MCCC1: variants seen among roughly 807,000 people sequenced by gnomAD.
MCCC1 encodes the protein methylcrotonyl-CoA carboxylase subunit 1.
A neutral mutation model predicts 83.8 loss-of-function variants in MCCC1; 64 were observed. The observed-to-expected ratio is 0.76, with a 90% CI of 0.62 to 0.94. The LOEUF (loss-of-function observed/expected upper bound fraction) is 0.94. Ranked by LOEUF, MCCC1 falls within the 40% of genes least tolerant of loss-of-function variation. The probability of loss-of-function intolerance (pLI) is 0.00; values close to 1 mark genes in which losing one functional copy is unlikely to be tolerated. For missense variants in MCCC1, 807 were observed against 904.7 expected, an observed-to-expected ratio of 0.89 and a Z score of 1.39; for synonymous variants, 322 against 315.4, an observed-to-expected ratio of 1.02 and a Z score of -0.22.
In MCCC1 at chr3:183,090,424, A is replaced by G. The variant is rs189699476; in HGVS notation, c.273+1985T>C. Among the ~76,000 whole-genome samples the G allele has an allele frequency of 1.2e-4, 19 of 152,278 alleles. No homozygotes were observed. In the East Asian group the frequency reaches 3.7e-3, roughly 29 times the overall value. On this transcript the variant is annotated intron_variant, in intron 3 of 18. Transcript: ENST00000265594. ...TATGTTTTATTAATACTGTTAACTG[A>G]CAAATCATAATTGTATGCATTTATG... is the stretch of plus-strand genomic sequence containing the variant.
At chr3:183,075,239 A>T (rs1274617339) in intron 4 of MCCC1, among the ~76,000 whole-genome samples, 1 of 152,130 alleles carries the variant, frequency 6.6e-6, no homozygotes, top group Non-Finnish European at 1.5e-5. Flanking sequence ...CAGTAATGGG[A>T]TTGCTGGGTT....
chr3:183,017,017 C>T (rs1711694301), intron 18 of MCCC1: 2 of 530,182 alleles, frequency 3.8e-6, no homozygotes, highest in Non-Finnish European at 6.8e-6. Context: ...GTTGGATTAT[C>T]GCCTGATTCC....
chr3:183,057,195 T>C, intron 8 of MCCC1, 116 bp downstream of exon 8: 1 of 834,800 alleles, frequency 1.2e-6, no homozygotes, highest in Non-Finnish European at 2.0e-6. Flanking sequence ...TAGGCAACAG[T>C]TGTCCAGCAG....
chr3:183,067,324 TG>T (rs1327606258), intron 7 of MCCC1, among the ~76,000 whole-genome samples: 1 of 152,226 alleles, frequency 6.6e-6, no homozygotes, highest in Non-Finnish European at 1.5e-5. Flanking sequence ...AACCCATGGC[TG>T]GGCTGGGCTT....
intron 4 of MCCC1, among the ~76,000 whole-genome samples, chr3:183,073,329 G>A (rs895988542): frequency 6.6e-6 from 1 of 152,144 alleles, no homozygotes; most frequent in Admixed American, 6.5e-5. Context: ...CTGTCTCTGT[G>A]TAAAACTGGC....
chr3:183,072,306 G>C (rs1716754377), intron 5 of MCCC1, 60 bp downstream of exon 5: 1 of 1,596,186 alleles, frequency 6.3e-7, no homozygotes, highest in South Asian at 1.1e-5. Flanking sequence ...CCACATGCCT[G>C]GCCCAAACTA....
At chr3:183,022,988 A>C (rs1257426131) in intron 15 of MCCC1, among the ~76,000 whole-genome samples, 1 of 152,230 alleles carries the variant, frequency 6.6e-6, no homozygotes, top group Non-Finnish European at 1.5e-5. Context: ...CACCAAAAAA[A>C]TGCCAGAATC....
rs541850543 is a variant in MCCC1, at chr3:183,107,555, G to T, written c.-102+7919C>A. Among the ~76,000 whole-genome samples the T allele has an allele frequency of 2.8e-4, 43 of 151,674 alleles. 1 individual carries two copies. Among genetic ancestry groups the T allele is most frequent in the Middle Eastern group, 3.4e-3 (1 of 294 alleles). ...ATTATTTGTTGTTGTTGTTGTTGTT[G>T]TTGTTGAAATGAAGTCTCACTCTGT... On this transcript the variant is annotated intron_variant, in intron 1 of 17. Coordinates refer to the MCCC1 transcript ENST00000492597.
chr3:183,061,612 G>C (rs2108511361), intron 7 of MCCC1, among the ~76,000 whole-genome samples: 1 of 152,356 alleles, frequency 6.6e-6, no homozygotes, highest in South Asian at 2.1e-4. Flanking sequence ...CCATGCAAGT[G>C]TTAGGGCTCC....
chr3:183,034,884 T>C lies in MCCC1; in HGVS notation c.1595-807A>G, dbSNP rs531693419. Among the ~76,000 whole-genome samples the C allele has an allele frequency of 7.3e-3, 1,117 of 152,136 alleles. 11 individuals are homozygous for C. The highest frequency in any genetic ancestry group is 0.026 in the African/African-American group (1,072 of 41,494). On this transcript the variant is annotated intron_variant, in intron 13 of 18. Coordinates refer to ENST00000265594, the MANE Select transcript of MCCC1 (RefSeq NM_020166.5). ...CCTCCACCTCCTGGGTTCAAGTGAT[T>C]CTCCTGCCTCAGCCTCCAGAGTAGC...
chr3:183,046,532 G>A (rs1714571042), intron 9 of MCCC1, among the ~76,000 whole-genome samples: 1 of 151,886 alleles, frequency 6.6e-6, no homozygotes, highest in Admixed American at 6.6e-5. Context: ...TGAGTAGATG[G>A]GACCACAGGC....
intron 8 of MCCC1, among the ~76,000 whole-genome samples, chr3:183,056,745 G>A (rs1274482752): frequency 6.6e-6 from 1 of 152,164 alleles, no homozygotes; most frequent in Non-Finnish European, 1.5e-5. Context: ...CCAGGCTGGA[G>A]TGCAATGGCG....
At chr3:183,015,718 GTTGTTT>G in intron 18 of MCCC1, 152 bp from the exon 19 acceptor site, 1 of 948,490 alleles carries the variant, frequency 1.1e-6, no homozygotes, top group Admixed American at 1.9e-5. Flanking sequence ...TGTTGTTGTT[GTTGTTT>G]TTATTTTTAA....
rs201168029 is a variant in MCCC1 at position 183,037,317 on chromosome 3, T to G, written c.1495A>C (p.Ser499Arg). 7 of 1,614,180 alleles carry G rather than the reference T, an allele frequency of 4.3e-6. No individual in the cohort carries two copies. The East Asian group carries it at 1.3e-4, about 31-fold the overall frequency. The change falls in exon 13 of 19, where the codon AGT becomes CGT. Residue 499 changes from serine to arginine, a missense_variant. Physicochemically the swap from Ser to Arg is moderately radical, Grantham distance 110. Transcript: ENST00000265594. Reference protein sequence around the residue: ...IPQHHKQLLLSRKAAAKESLC... With the variant: ...IPQHHKQLLLRRKAAAKESLC... ...GACTCTTTGGCTGCAGCCTTCCGACTGAGCAACAACTGTTTGTGGTGTTGA... is the reference window on the plus strand; with the variant it reads ...GACTCTTTGGCTGCAGCCTTCCGACGGAGCAACAACTGTTTGTGGTGTTGA...
rs374862589 is a variant in MCCC1 at position 183,037,358 on chromosome 3, T to G, written c.1454A>C (p.His485Pro). Residue 485 changes from histidine to proline, a missense_variant, in exon 13 of 19, where the codon CAC becomes CCC. Physicochemically the swap from His to Pro is moderately conservative, Grantham distance 77 (BLOSUM62 -2). Coordinates refer to ENST00000265594, the MANE Select transcript of MCCC1 (RefSeq NM_020166.5). ...GTGGTGTTGAGGGATGAAATCAGTG[T>G]GCACGTTCCCAGCTTCAAACTCTGG... ...GHPEFEAGNV[H>P]TDFIPQHHKQ... The G allele has an allele frequency of 2.5e-6, 4 of 1,614,048 alleles. No homozygotes were observed.
rs66507233 is a variant in MCCC1, at chr3:183,031,491, C to CTTTT, written c.1681+2496_1681+2499dup. On this transcript the variant is annotated intron_variant, in intron 14 of 18. Coordinates refer to ENST00000265594, the MANE Select transcript of MCCC1 (RefSeq NM_020166.5). ...TTGGACTCATAAATGCTTCTGGCAC[C>CTTTT]TTTTTTTTTTTTTTTTTTTTTTTTG... Among the ~76,000 whole-genome samples the CTTTT allele has an allele frequency of 2.9e-3, 211 of 72,616 alleles. 4 individuals carry two copies. Among genetic ancestry groups the CTTTT allele is most frequent in the East Asian group, 7.9e-3 (16 of 2,020 alleles). 47.6% of individuals were successfully genotyped at this position (72,616 alleles called of 152,430 possible).
At chr3:183,020,349 T>A in intron 16 of MCCC1, 112 bp from the exon 17 acceptor site, 2 of 914,128 alleles carry the variant, frequency 2.2e-6, no homozygotes, top group Non-Finnish European at 3.5e-6. Context: ...TTAGTCATCA[T>A]GGCCAGGCCC....
chr3:183,034,178 C>G, intron 13 of MCCC1, 101 bp from the exon 14 acceptor site: 1 of 843,610 alleles, frequency 1.2e-6, no homozygotes, highest in Non-Finnish European at 2.0e-6. Flanking sequence ...TGGCCGGGCA[C>G]AGTGGCTCAT....
chr3:183,113,588 T>A (rs987163613), intron 1 of MCCC1, among the ~76,000 whole-genome samples: 4 of 148,934 alleles, frequency 2.7e-5, no homozygotes, highest in African/African-American at 7.4e-5. Flanking sequence ...AAATAAAAAA[T>A]AAAAAAAAGG....
Sources: gnomAD v4.1 joint callset for allele counts (sites outside exome capture counted in the v4.1 genomes callset) on GRCh38, gnomAD v4.1.1 for gene constraint, MANE v1.5 for transcripts, NCBI Gene and HGNC (gene_info 2026-07-23, HGNC 2026-07-21) for gene names.